The following NF2 variants were observed in gnomAD, a reference collection of about 807,000 sequenced individuals.
The protein encoded by NF2 is merlin.
A neutral mutation model predicts 83.7 loss-of-function variants in NF2; 8 were observed. That is an observed-to-expected ratio of 0.10 (90% CI 0.06 to 0.17). The LOEUF is 0.17. Ranked by LOEUF, NF2 falls within the 10% of genes least tolerant of loss-of-function variation. The probability of loss-of-function intolerance (pLI) is 1.00; values close to 1 mark genes in which losing one functional copy is unlikely to be tolerated. For missense variants in NF2, 533 were observed against 744.4 expected (o/e 0.72, Z 3.31); for synonymous variants, 266 against 269.6 (o/e 0.99, Z 0.13).
At chr22:29,659,621 T>C (rs1240558180) in intron 7 of NF2, among the ~76,000 whole-genome samples, 5 of 152,224 alleles carry the variant, frequency 3.3e-5, no homozygotes, top group African/African-American at 1.2e-4. Context: ...CTAAGGAAGA[T>C]GTATGCTTAA....
chr22:29,623,811 G>A (rs1220474460), intron 1 of NF2, among the ~76,000 whole-genome samples: 2 of 152,152 alleles, frequency 1.3e-5, no homozygotes, highest in Non-Finnish European at 2.9e-5. Flanking sequence ...GAGCTCCACC[G>A]TGTGACCTTG....
chr22:29,661,149 A>G, intron 7 of NF2, 56 bp from the exon 8 acceptor site: 1 of 1,613,206 alleles, frequency 6.2e-7, no homozygotes, highest in Non-Finnish European at 8.5e-7. Context: ...GGAAGGTTGA[A>G]TAAAATTTTG....
In NF2 at chr22:29,654,675, A is replaced by G; in HGVS notation, c.466A>G (p.Ser156Gly). The change falls in exon 5 of 16, where the codon AGT becomes GGT. Residue 156 changes from serine (S) to glycine (G), a missense_variant. By Grantham distance (56) the Ser-to-Gly change is moderately conservative. Transcript: ENST00000338641. ...TTTCCAGTATGGTGACTACGACCCC[A>G]GTGTTCACAAGCGGGGATTTTTGGC... ...VQAKYGDYDP[S>G]VHKRGFLAQE... 1 of 1,613,946 alleles carries G rather than the reference A, an allele frequency of 6.2e-7. No homozygotes were observed. The highest frequency in any genetic ancestry group is 8.5e-7 in the Non-Finnish European group (1 of 1,179,840).
At chr22:29,648,158 A>G (rs56399773) in intron 4 of NF2, among the ~76,000 whole-genome samples, 11 of 126,222 alleles carry the variant, frequency 8.7e-5, no homozygotes, top group Non-Finnish European at 2.0e-4. Flanking sequence ...AAATAAATAA[A>G]TAAATAAAGT....
rs2147092112 is a variant in NF2, at chr22:29,674,848, A to G, written c.1353A>G (p.Ala451=). ...AEESERRAKE[A]DQLKQDLQEA... Reference sequence around the variant, plus strand: ...CCTTTCCTTGCAGGGCCAAAGAGGCAGATCAGCTGAAGCAGGACCTGCAGG... The same window carrying G: ...CCTTTCCTTGCAGGGCCAAAGAGGCGGATCAGCTGAAGCAGGACCTGCAGG... Residue 451 remains alanine, a synonymous_variant, in exon 13 of 16, where the codon GCA becomes GCG. Coordinates refer to ENST00000338641, the MANE Select transcript of NF2 (RefSeq NM_000268.4). 3 of 1,559,034 alleles carry G rather than the reference A, an allele frequency of 1.9e-6. 1 individual carries two copies. In the South Asian group the frequency reaches 3.6e-5, roughly 18 times the overall value.
intron 12 of NF2, among the ~76,000 whole-genome samples, chr22:29,674,544 C>T (rs1028818722): frequency 1.3e-5 from 2 of 152,236 alleles, no homozygotes; most frequent in Non-Finnish European, 2.9e-5. Context: ...TGCTGGTGCC[C>T]TCTCCAGCTC....
intron 1 of NF2, among the ~76,000 whole-genome samples, chr22:29,631,382 G>T (rs1279403757): frequency 6.6e-6 from 1 of 152,114 alleles, no homozygotes; most frequent in African/African-American, 2.4e-5. Flanking sequence ...ACCCAGGCCC[G>T]AGTTGTGTTG....
chr22:29,672,863 G>A (rs1192835952), intron 11 of NF2, among the ~76,000 whole-genome samples: 1 of 151,366 alleles, frequency 6.6e-6, no homozygotes, highest in African/African-American at 2.4e-5. Flanking sequence ...CAGGTGATCT[G>A]CCCGCCTCAG....
intron 15 of NF2, among the ~76,000 whole-genome samples, chr22:29,691,936 C>G (rs980314753): frequency 6.6e-6 from 1 of 152,210 alleles, no homozygotes; most frequent in African/African-American, 2.4e-5. Flanking sequence ...AAAGGATACC[C>G]CCAAGGTGGA....
At chr22:29,656,193 G>A (rs916731792) in intron 6 of NF2, among the ~76,000 whole-genome samples, 1 of 151,838 alleles carries the variant, frequency 6.6e-6, no homozygotes, top group African/African-American at 2.4e-5. Context: ...GCCCACCTCG[G>A]CCTCCCAAAG....
At chr22:29,618,226 T>C (rs141506357) in intron 1 of NF2, among the ~76,000 whole-genome samples, 464 of 152,326 alleles carry the variant, frequency 3.0e-3, no homozygotes, top group African/African-American at 0.01. Flanking sequence ...TGATTAGTTT[T>C]ATTCTCCTGC....
In NF2 at chr22:29,683,058, C is replaced by T. The variant is rs770119441; in HGVS notation, c.1737+1457C>T. ...GCAGAAGACCTATCTGCATTTGAGC[C>T]CTCAAAGTAGGTTGTTCCCAGGTAC... On this transcript the variant is annotated intron_variant, in intron 15 of 15. Coordinates refer to ENST00000338641, the MANE Select transcript of NF2 (RefSeq NM_000268.4). The T allele has an allele frequency of 8.7e-6, 14 of 1,614,054 alleles. No homozygotes were observed. The highest frequency in any genetic ancestry group is 1.2e-5 in the Non-Finnish European group (14 of 1,180,058).
At chr22:29,688,823 T>G (rs1248661496) in intron 15 of NF2, among the ~76,000 whole-genome samples, 1 of 152,224 alleles carries the variant, frequency 6.6e-6, no homozygotes, top group Non-Finnish European at 1.5e-5. Flanking sequence ...GTGTGGATAG[T>G]GCTCCCACTG....
chr22:29,623,998 G>A (rs556154749), intron 1 of NF2, among the ~76,000 whole-genome samples: 1 of 152,276 alleles, frequency 6.6e-6, no homozygotes, highest in South Asian at 2.1e-4. Flanking sequence ...CAAGACTTGA[G>A]TGTATAGGCA....
intron 9 of NF2, among the ~76,000 whole-genome samples, chr22:29,666,845 G>A (rs899793649): frequency 5.9e-5 from 9 of 151,878 alleles, no homozygotes; most frequent in Admixed American, 4.6e-4. Flanking sequence ...GCGTGGTGGC[G>A]CATGCCTATA....
At chr22:29,609,985 A>G (rs1055332143) in intron 1 of NF2, among the ~76,000 whole-genome samples, 2 of 152,152 alleles carry the variant, frequency 1.3e-5, no homozygotes, top group Non-Finnish European at 2.9e-5. Flanking sequence ...GAATTTAAAA[A>G]TATAAGTTTG....
At chr22:29,674,543 CCT>C (rs1243478400) in intron 12 of NF2, among the ~76,000 whole-genome samples, 1 of 152,204 alleles carries the variant, frequency 6.6e-6, no homozygotes, top group East Asian at 1.9e-4. Flanking sequence ...CTGCTGGTGC[CCT>C]CTCCAGCTCC....
At chr22:29,648,674 T>G (rs1426223631) in intron 4 of NF2, among the ~76,000 whole-genome samples, 1 of 152,222 alleles carries the variant, frequency 6.6e-6, no homozygotes, top group Non-Finnish European at 1.5e-5. Context: ...GTCACCCAGG[T>G]GGCACAATCT....
Position 29,613,053 on chromosome 22 carries a change from G to A in NF2, c.114+8941G>A, listed in dbSNP as rs539890622. 6.6e-5 allele frequency among the ~76,000 whole-genome samples: 10 copies of A among 151,600 alleles called. No homozygotes were observed. In the South Asian group the frequency reaches 1.9e-3, roughly 28 times the overall value. ...AGCTTGCGGTGAGCTGAGATCACGC[G>A]CCACTGCACTCCAGCTTGGGCAACA... On this transcript the variant is annotated intron_variant, in intron 1 of 15. Transcript: ENST00000338641.
Sources: allele counts gnomAD v4.1 joint callset (sites outside exome capture counted in the v4.1 genomes callset), GRCh38; gene constraint gnomAD v4.1.1; transcripts MANE v1.5; gene names NCBI Gene and HGNC (gene_info 2026-07-23, HGNC 2026-07-21).